SPTLC3: variants seen among roughly 807,000 people sequenced by gnomAD.
SPTLC3 encodes the protein serine palmitoyltransferase 3.
In SPTLC3, 36 loss-of-function variants were observed where a neutral mutation model predicts 59.3. That is an observed-to-expected ratio of 0.61 (90% CI 0.47 to 0.80). The LOEUF is 0.80. SPTLC3 is among the 30% of genes least tolerant of loss of function. The pLI, the probability that SPTLC3 is intolerant of heterozygous loss-of-function variation, is 0.00. For synonymous variants in SPTLC3, 257 were observed against 240.8 expected (o/e 1.07, Z -0.62); for missense variants, 625 against 685.1 (o/e 0.91, Z 0.98).
intron 2 of SPTLC3, among the ~76,000 whole-genome samples, chr20:13,071,133 A>C (rs1988419975): frequency 6.6e-6 from 1 of 152,226 alleles, no homozygotes; most frequent in South Asian, 2.1e-4. Context: ...TTGCTCCAAG[A>C]ATACTCGCAG....
At chr20:13,009,802 G>A in intron 1 of SPTLC3, among the ~76,000 whole-genome samples, 1 of 152,150 alleles carries the variant, frequency 6.6e-6, no homozygotes, top group Non-Finnish European at 1.5e-5. Context: ...TGGTGGAGAT[G>A]GCATTCTTCC....
intron 6 of SPTLC3, among the ~76,000 whole-genome samples, chr20:13,101,368 CAGAAAGCTATGG>C: frequency 6.6e-6 from 1 of 152,212 alleles, no homozygotes; most frequent in Non-Finnish European, 1.5e-5. Context: ...ATGTAGGAGT[CAGAAAGCTATGG>C]TCCCTTGTGT....
Position 13,168,075 on chromosome 20 carries a change from C to T in SPTLC3, c.*3208C>T, listed in dbSNP as rs1481108575. ...AAAAATTGATCCAATATTGAAGAAC[C>T]ATCTGCGATTCATTTGGGTAAAATT... On this transcript the variant is annotated 3_prime_UTR_variant, in exon 12 of 12. Coordinates refer to ENST00000399002, the MANE Select transcript of SPTLC3 (RefSeq NM_018327.4). 6.6e-6 allele frequency: 1 copy of T among 152,106 alleles called. No individual in the cohort carries two copies. 9.4% of individuals were successfully genotyped at this position (152,106 alleles called of 1,614,324 possible).
intron 5 of SPTLC3, among the ~76,000 whole-genome samples, chr20:13,091,896 A>G (rs1475552915): frequency 6.6e-6 from 1 of 152,210 alleles, no homozygotes; most frequent in African/African-American, 2.4e-5. Flanking sequence ...ATTATTGAGA[A>G]CCTACTATGT....
intron 4 of SPTLC3, among the ~76,000 whole-genome samples, chr20:13,074,862 C>A (rs931409156): frequency 6.6e-6 from 1 of 152,098 alleles, no homozygotes; most frequent in Non-Finnish European, 1.5e-5. Flanking sequence ...TGTCTCTGCT[C>A]CTAAAACATA....
At chr20:13,042,308 G>A (rs981025632) in intron 1 of SPTLC3, among the ~76,000 whole-genome samples, 1 of 152,152 alleles carries the variant, frequency 6.6e-6, no homozygotes, top group Non-Finnish European at 1.5e-5. Flanking sequence ...TTATCTTGGG[G>A]AATGCTCTGG....
chr20:13,109,394 G>A (rs1990095547), intron 6 of SPTLC3, among the ~76,000 whole-genome samples: 2 of 152,156 alleles, frequency 1.3e-5, no homozygotes, highest in Non-Finnish European at 2.9e-5. Flanking sequence ...GCTTATGATA[G>A]ACCTCAGGCA....
intron 9 of SPTLC3, among the ~76,000 whole-genome samples, chr20:13,144,753 A>ATG (rs60788760): frequency 1.3e-5 from 2 of 151,490 alleles, no homozygotes; most frequent in Non-Finnish European, 2.9e-5. Flanking sequence ...GAGGTCTACT[A>ATG]TGTGTGTGTG....
At chr20:13,029,131 A>T (rs1986302019) in intron 1 of SPTLC3, among the ~76,000 whole-genome samples, 2 of 152,170 alleles carry the variant, frequency 1.3e-5, no homozygotes, top group Middle Eastern at 3.2e-3. Context: ...ATCTCGGGTT[A>T]GTTTGTTAGC....
rs577954652 is a variant in SPTLC3, at chr20:13,009,247, G to A, written c.-21G>A. On this transcript the variant is annotated 5_prime_UTR_variant, in exon 1 of 12. Transcript: ENST00000399002. ...AGACCTCTGAAGGAAAACCTGTCCC[G>A]GGCTCTGTCACTTCACACCCATGGC... is the stretch of plus-strand genomic sequence containing the variant. The A allele has an allele frequency of 4.3e-5, 69 of 1,607,348 alleles. 2 individuals carry two copies. The South Asian group carries it at 5.8e-4, about 14-fold the overall frequency.
intron 4 of SPTLC3, among the ~76,000 whole-genome samples, chr20:13,081,677 T>G (rs935676496): frequency 2.6e-5 from 4 of 152,164 alleles, no homozygotes; most frequent in African/African-American, 9.7e-5. Context: ...AACAAACACA[T>G]TTTCAAGCAG....
At chr20:13,066,380 T>A (rs766065943) in intron 2 of SPTLC3, among the ~76,000 whole-genome samples, 2 of 152,180 alleles carry the variant, frequency 1.3e-5, no homozygotes, top group Non-Finnish European at 2.9e-5. Context: ...TGTGAATGCA[T>A]GAATTTATTC....
intron 4 of SPTLC3, among the ~76,000 whole-genome samples, chr20:13,077,156 G>C (rs149862728): frequency 6.6e-6 from 1 of 151,846 alleles, no homozygotes; most frequent in Non-Finnish European, 1.5e-5. Context: ...GAGACAATAA[G>C]GTGTCTCCCA....
intron 1 of SPTLC3, among the ~76,000 whole-genome samples, chr20:13,034,525 T>C (rs1449923209): frequency 1.3e-5 from 2 of 152,136 alleles, no homozygotes; most frequent in East Asian, 1.9e-4. Context: ...CTTGTGGTCT[T>C]TCTTTATTAT....
At position 13,093,472 on chromosome 20, in the gene SPTLC3, T is replaced by C. The variant is rs763208271; in HGVS notation, c.733-12T>C. The C allele has an allele frequency of 6.2e-7, 1 of 1,611,560 alleles. No homozygotes were observed. Among genetic ancestry groups the C allele is most frequent in the South Asian group, 1.1e-5 (1 of 90,732 alleles). ...TATTGGCTTGTGTTTTGTGTGCTTG[T>C]TTTCTGCACAGGGATGCCTCATTTT... On this transcript the variant is annotated splice_polypyrimidine_tract_variant and intron_variant, in intron 5 of 11. Transcript: ENST00000399002.
Position 13,093,560 on chromosome 20 carries a change from G to A in SPTLC3, c.809G>A (p.Arg270Lys). The A allele has an allele frequency of 6.2e-7, 1 of 1,613,346 alleles. No individual in the cohort carries two copies. Among genetic ancestry groups the A allele is most frequent in the Non-Finnish European group, 8.5e-7 (1 of 1,179,436 alleles). Residue 270 changes from arginine (R) to lysine (K), a missense_variant, in exon 6 of 12, where the codon AGA becomes AAA. Physicochemically the swap from Arg to Lys is conservative, Grantham distance 26 (BLOSUM62 2). Coordinates refer to ENST00000399002, the MANE Select transcript of SPTLC3 (RefSeq NM_018327.4). ...LGARLSGATI[R>K]IFKHNNTQSL... is the part of the protein sequence containing the mutation. ...GCCCGACTCTCAGGTGCAACCATAA[G>A]AATCTTCAAACACAACAGTGAGTAT...
At chr20:13,045,523 A>G (rs978744018) in intron 1 of SPTLC3, among the ~76,000 whole-genome samples, 1 of 152,198 alleles carries the variant, frequency 6.6e-6, no homozygotes, top group Non-Finnish European at 1.5e-5. Flanking sequence ...AAAAGAATAT[A>G]GTAAGTGAGT....
intron 1 of SPTLC3, among the ~76,000 whole-genome samples, chr20:13,028,494 A>G (rs1330470886): frequency 6.6e-6 from 1 of 152,202 alleles, no homozygotes; most frequent in Non-Finnish European, 1.5e-5. Context: ...GATATTATGG[A>G]CATGATGTCT....
chr20:13,073,788 G>T, intron 3 of SPTLC3: 1 of 600,408 alleles, frequency 1.7e-6, no homozygotes. Flanking sequence ...AGCCTGCACT[G>T]GTCCTGGAGC....
Sources: gnomAD v4.1 joint callset for allele counts (sites outside exome capture counted in the v4.1 genomes callset) on GRCh38, gnomAD v4.1.1 for gene constraint, MANE v1.5 for transcripts, NCBI Gene and HGNC (gene_info 2026-07-23, HGNC 2026-07-21) for gene names.